Variants in KHDRBS3 observed in about 807,000 individuals in gnomAD.
The protein encoded by KHDRBS3 is KH RNA binding domain containing, signal transduction associated 3.
In KHDRBS3, 23 loss-of-function variants were observed where a neutral mutation model predicts 45.6. That is an observed-to-expected ratio of 0.50 (90% CI 0.36 to 0.72). The LOEUF (loss-of-function observed/expected upper bound fraction) is 0.72. Among genes scored for constraint, KHDRBS3 ranks in the 30% least tolerant of loss-of-function variants. KHDRBS3 has a pLI of 0.00. For synonymous variants in KHDRBS3, 162 were observed against 156.5 expected (o/e 1.04, Z -0.26); for missense variants, 352 against 424.8 (o/e 0.83, Z 1.51).
chr8:135,609,635 A>G (rs932560214), intron 7 of KHDRBS3, among the ~76,000 whole-genome samples: 4 of 148,736 alleles, frequency 2.7e-5, no homozygotes, highest in African/African-American at 1.0e-4. Context: ...AAATACACAC[A>G]TTTGCATAGA....
chr8:135,585,345 G>A (rs905494880), intron 6 of KHDRBS3, among the ~76,000 whole-genome samples: 1 of 151,980 alleles, frequency 6.6e-6, no homozygotes, highest in Non-Finnish European at 1.5e-5. Context: ...CAAATAAATG[G>A]TTATTCATTC....
chr8:135,457,898 C>A lies in KHDRBS3; in HGVS notation c.32C>A (p.Ala11Glu). The A allele has an allele frequency of 3.7e-6, 6 of 1,600,044 alleles. No individual in the cohort carries two copies. The highest frequency in any genetic ancestry group is 4.3e-6 in the Non-Finnish European group (5 of 1,174,198). MEEKYLPELM[A>E]EKDSLDPSFT... ...GAGAAGTACCTGCCCGAGCTGATGG[C>A]GGAGAAGGACTCCCTGGACCCCTCC... Residue 11 changes from alanine (A) to glutamate (E), a missense_variant, in exon 1 of 9, where the codon GCG becomes GAG. Transcript: ENST00000355849. This position sits in a 1 kb window ranked among gnomAD's most constrained non-coding sequence, Gnocchi z 4.4.
intron 2 of KHDRBS3, among the ~76,000 whole-genome samples, chr8:135,529,814 A>G (rs1247435503): frequency 1.3e-5 from 2 of 152,166 alleles, no homozygotes; most frequent in Non-Finnish European, 2.9e-5. Flanking sequence ...TAATCCCAGC[A>G]CTTTGGGAGG....
At chr8:135,597,334 A>G (rs1049316274) in intron 6 of KHDRBS3, among the ~76,000 whole-genome samples, 2 of 152,166 alleles carry the variant, frequency 1.3e-5, no homozygotes, top group African/African-American at 4.8e-5. Context: ...ATTCCACCAC[A>G]ATGGACATTA....
chr8:135,458,074 G>T (rs1011186360), intron 1 of KHDRBS3, 120 bp downstream of exon 1: 15 of 1,399,044 alleles, frequency 1.1e-5, no homozygotes, highest in Non-Finnish European at 1.4e-5. Flanking sequence ...ACGGAGGCCC[G>T]GGTGGCCCCC....
At chr8:135,559,699 A>G (rs573147725) in intron 5 of KHDRBS3, among the ~76,000 whole-genome samples, 126 of 152,290 alleles carry the variant, frequency 8.3e-4, no homozygotes, top group Non-Finnish European at 1.5e-3. Flanking sequence ...AAAGTCTCCA[A>G]ACTTATCCCT....
chr8:135,467,773 C>CAAA (rs1272042616), intron 1 of KHDRBS3, among the ~76,000 whole-genome samples: 2 of 152,206 alleles, frequency 1.3e-5, no homozygotes, highest in Non-Finnish European at 2.9e-5. Context: ...CCAGTTTTCT[C>CAAA]CTCTGTGAAG....
intron 1 of KHDRBS3, among the ~76,000 whole-genome samples, chr8:135,469,531 T>TTTG (rs1563699801): frequency 2.0e-5 from 1 of 48,792 alleles, no homozygotes; most frequent in East Asian, 5.3e-4. Flanking sequence ...TGGTTTTTTT[T>TTTG]TTTTTTTTTT....
intron 1 of KHDRBS3, among the ~76,000 whole-genome samples, chr8:135,467,675 T>C (rs557967685): frequency 3.3e-5 from 5 of 152,266 alleles, no homozygotes; most frequent in Non-Finnish European, 7.3e-5. Flanking sequence ...ACCGAGGTGA[T>C]GGTAGGTCCC....
intron 2 of KHDRBS3, chr8:135,540,274 C>A (rs1262132674): frequency 6.6e-6 from 1 of 152,102 alleles, no homozygotes. Context: ...GAAAGCAGAA[C>A]CCTGAGCTGG....
chr8:135,544,321 G>T (rs1826184865), intron 3 of KHDRBS3, among the ~76,000 whole-genome samples: 1 of 152,252 alleles, frequency 6.6e-6, no homozygotes, highest in African/African-American at 2.4e-5. Flanking sequence ...TTTACAGGTA[G>T]AAGGGAAACA....
At chr8:135,546,097 A>C (rs1161340725) in intron 3 of KHDRBS3, among the ~76,000 whole-genome samples, 2 of 152,012 alleles carry the variant, frequency 1.3e-5, no homozygotes, top group African/African-American at 4.8e-5. Context: ...AGATTGAGCC[A>C]CTGCACTCTA....
At chr8:135,460,451 C>G (rs1175668376) in intron 1 of KHDRBS3, among the ~76,000 whole-genome samples, 1 of 152,214 alleles carries the variant, frequency 6.6e-6, no homozygotes, top group African/African-American at 2.4e-5. Flanking sequence ...AGCTGAGGAT[C>G]CCAGCTATCT....
chr8:135,625,605 C>T, intron 7 of KHDRBS3: 1 of 944,772 alleles, frequency 1.1e-6, no homozygotes, highest in South Asian at 1.3e-5. Context: ...CTGGCAGCCA[C>T]AGGGTCAGTC....
chr8:135,497,097 A>G (rs190792177), intron 1 of KHDRBS3, among the ~76,000 whole-genome samples: 23 of 152,340 alleles, frequency 1.5e-4, no homozygotes, highest in African/African-American at 5.5e-4. Flanking sequence ...TGTCCTTGGA[A>G]GGAGTAAGAG....
intron 1 of KHDRBS3, among the ~76,000 whole-genome samples, chr8:135,512,770 T>C (rs1824368892): frequency 6.6e-6 from 1 of 152,202 alleles, no homozygotes; most frequent in South Asian, 2.1e-4. Context: ...TTCCATGAGC[T>C]TACCATCTTG....
intron 1 of KHDRBS3, among the ~76,000 whole-genome samples, chr8:135,477,919 C>T (rs1204151238): frequency 2.0e-5 from 3 of 152,152 alleles, no homozygotes; most frequent in Non-Finnish European, 2.9e-5. Context: ...TTGTAAGGAA[C>T]CGGGTGCTCA....
In KHDRBS3 at chr8:135,647,161, C is replaced by T. The variant is rs2131210356; in HGVS notation, c.*77C>T. The T allele has an allele frequency of 2.1e-6, 1 of 475,594 alleles. No individual in the cohort carries two copies. The highest frequency in any genetic ancestry group is 3.7e-6 in the Non-Finnish European group (1 of 268,482). The allele number at this position is 475,594 out of a possible 1,614,324, so 29.5% of individuals were successfully genotyped here. ...GTTCAAAGTAATTTTTTTCTATGAA[C>T]AATCCCTTTTTAAATAAATCAGAAT... On this transcript the variant is annotated 3_prime_UTR_variant, in exon 9 of 9. Transcript: ENST00000355849.
intron 1 of KHDRBS3, among the ~76,000 whole-genome samples, chr8:135,494,403 T>C (rs544189474): frequency 1.3e-5 from 2 of 150,556 alleles, no homozygotes; most frequent in Non-Finnish European, 3.0e-5. Context: ...CTCAGCCTCC[T>C]GAGTAGCTGG....
Sources: gnomAD v4.1 joint callset for allele counts (sites outside exome capture counted in the v4.1 genomes callset) on GRCh38, gnomAD v4.1.1 for gene constraint, Gnocchi (gnomAD v3.1) non-coding constraint, MANE v1.5 for transcripts, NCBI Gene and HGNC (gene_info 2026-07-23, HGNC 2026-07-21) for gene names.